Variants in PHLDB2 observed in about 807,000 individuals in gnomAD.
The protein encoded by PHLDB2 is pleckstrin homology-like domain family B member 2.
PHLDB2 carries 71 observed loss-of-function variants against 123.6 expected under a neutral mutation model. The ratio of observed to expected loss-of-function variants is 0.57; its 90% CI spans 0.47 to 0.70. The LOEUF (loss-of-function observed/expected upper bound fraction) is 0.70, where lower values mean the gene tolerates loss of function less well. PHLDB2 is among the 30% of genes least tolerant of loss of function. The pLI is 0.00. For synonymous variants in PHLDB2, 547 were observed against 541.6 expected, an observed-to-expected ratio of 1.01 and a Z score of -0.14; for missense variants, 1,446 against 1,519.5, an observed-to-expected ratio of 0.95 and a Z score of 0.80.
chr3:111,933,584 C>A (rs910167034), intron 6 of PHLDB2, among the ~76,000 whole-genome samples: 2 of 152,148 alleles, frequency 1.3e-5, no homozygotes, highest in Non-Finnish European at 2.9e-5. Flanking sequence ...AAAGTTTTAA[C>A]CATATGTCTT....
chr3:111,916,568 T>C (rs545134762), intron 3 of PHLDB2: 1 of 152,302 alleles, frequency 6.6e-6, no homozygotes, highest in East Asian at 1.9e-4. Context: ...ACAATCTTAA[T>C]GATATTTAGA....
intron 1 of PHLDB2, among the ~76,000 whole-genome samples, chr3:111,845,624 A>C (rs1162375301): frequency 6.6e-6 from 1 of 152,122 alleles, no homozygotes; most frequent in East Asian, 1.9e-4. Context: ...GTGGTGGCGA[A>C]GTTCTGTTGT....
At chr3:111,755,264 G>A (rs1022105655) in intron 1 of PHLDB2, among the ~76,000 whole-genome samples, 14 of 138,458 alleles carry the variant, frequency 1.0e-4, no homozygotes, top group Non-Finnish European at 1.7e-4. Flanking sequence ...GAATTCAGCT[G>A]TGAATCCATC....
chr3:111,812,140 A>G (rs1170871201), intron 1 of PHLDB2, among the ~76,000 whole-genome samples: 2 of 152,184 alleles, frequency 1.3e-5, no homozygotes, highest in Admixed American at 6.5e-5. Flanking sequence ...GGCCATTAAT[A>G]TATTTCAGGC....
intron 1 of PHLDB2, among the ~76,000 whole-genome samples, chr3:111,829,791 T>C (rs1200441885): frequency 6.6e-6 from 1 of 152,154 alleles, no homozygotes; most frequent in Non-Finnish European, 1.5e-5. Flanking sequence ...AATTCTATTT[T>C]GTATATTATT....
chr3:111,965,933 T>C (rs2071720080), intron 13 of PHLDB2, among the ~76,000 whole-genome samples: 1 of 152,198 alleles, frequency 6.6e-6, no homozygotes, highest in Non-Finnish European at 1.5e-5. Context: ...GTGATGTCTT[T>C]TCCATCATTT....
intron 1 of PHLDB2, among the ~76,000 whole-genome samples, chr3:111,763,715 C>T (rs2060032977): frequency 6.6e-6 from 1 of 152,036 alleles, no homozygotes; most frequent in Non-Finnish European, 1.5e-5. Flanking sequence ...GAGGACAAAG[C>T]CCTTGTGATT....
rs148049563 is a variant in PHLDB2 at position 111,757,143 on chromosome 3, C to T, written c.-49+24440C>T. Among the ~76,000 whole-genome samples, 644 of 152,198 alleles carry T rather than the reference C, an allele frequency of 4.2e-3. 1 individual carries two copies. Among genetic ancestry groups the T allele is most frequent in the African/African-American group, 0.015 (618 of 41,530 alleles). ...TTAAGTGTCTTGGAGTTGCTCTTCT[C>T]GAGGAGTATCTTTGTGGAGTTCTCT... On this transcript the variant is annotated intron_variant, in intron 1 of 17. Coordinates refer to the PHLDB2 transcript ENST00000393923.
intron 5 of PHLDB2, among the ~76,000 whole-genome samples, chr3:111,922,550 T>G (rs2068582292): frequency 6.6e-6 from 1 of 152,188 alleles, no homozygotes; most frequent in Non-Finnish European, 1.5e-5. Flanking sequence ...AAGGTAGGAT[T>G]ATTCTCTGTC....
intron 1 of PHLDB2, among the ~76,000 whole-genome samples, chr3:111,804,082 C>G (rs1042970552): frequency 6.6e-6 from 1 of 152,094 alleles, no homozygotes; most frequent in African/African-American, 2.4e-5. Flanking sequence ...TTTTTCTGAT[C>G]GTCCTCTCCT....
chr3:111,795,966 G>A (rs1445768808), intron 1 of PHLDB2, among the ~76,000 whole-genome samples: 3 of 152,104 alleles, frequency 2.0e-5, no homozygotes, highest in African/African-American at 7.2e-5. Flanking sequence ...GCGCGATCTC[G>A]GCTGACTGCA....
intron 2 of PHLDB2, among the ~76,000 whole-genome samples, chr3:111,896,352 TC>T (rs113582050): frequency 2.0e-3 from 179 of 87,472 alleles, no homozygotes; most frequent in African/African-American, 5.8e-3. Context: ...TCTTTTTTCT[TC>T]CCCCGCCCCG....
In PHLDB2 at chr3:111,752,384, G is replaced by C. The variant is rs536813806; in HGVS notation, c.-49+19681G>C. ...AATTTGTGAAGTCCCTTAATAACAA[G>C]TTGATTTATAAAGCTTAAATAGAAA... is the stretch of plus-strand genomic sequence containing the variant. On this transcript the variant is annotated intron_variant, in intron 1 of 17. Transcript: ENST00000393923. Among the ~76,000 whole-genome samples, 3 of 152,158 alleles carry C rather than the reference G, an allele frequency of 2.0e-5. No individual in the cohort carries two copies. The South Asian group carries it at 6.2e-4, about 32-fold the overall frequency.
chr3:111,887,215 C>G (rs1464324372), intron 2 of PHLDB2, among the ~76,000 whole-genome samples: 2 of 152,160 alleles, frequency 1.3e-5, no homozygotes, highest in Non-Finnish European at 2.9e-5. Flanking sequence ...TCTGTACTGC[C>G]TGTAAGGTTG....
At chr3:111,882,728 CA>C (rs958356404) in intron 1 of PHLDB2, among the ~76,000 whole-genome samples, 4 of 152,152 alleles carry the variant, frequency 2.6e-5, no homozygotes, top group Admixed American at 1.3e-4. Context: ...GATAAAGAAG[CA>C]GCTCTTTACT....
chr3:111,884,477 C>A lies in PHLDB2; in HGVS notation c.400C>A (p.Arg134=). 1 of 1,614,068 alleles carries A rather than the reference C, an allele frequency of 6.2e-7. No individual in the cohort carries two copies. Among genetic ancestry groups the A allele is most frequent in the Non-Finnish European group, 8.5e-7 (1 of 1,179,976 alleles). ...GRADFDHYTG[R]DSERALRLSE... ...AGCAGACTTTGATCATTATACTGGC[C>A]GGGACAGTGAAAGGGCCTTGAGGCT... The change falls in exon 2 of 18, where the codon CGG becomes AGG. Residue 134 remains arginine, a synonymous_variant. Transcript: ENST00000431670.
intron 1 of PHLDB2, among the ~76,000 whole-genome samples, chr3:111,832,248 A>C (rs1447834142): frequency 6.6e-6 from 1 of 152,112 alleles, no homozygotes; most frequent in Non-Finnish European, 1.5e-5. Context: ...TCTTTTTACA[A>C]GTTAATCTAT....
At chr3:111,821,706 G>A (rs1298981530) in intron 1 of PHLDB2, among the ~76,000 whole-genome samples, 2 of 152,204 alleles carry the variant, frequency 1.3e-5, no homozygotes, top group South Asian at 2.1e-4. Flanking sequence ...GTACCATGAT[G>A]TAGTCAAGGT....
At chr3:111,739,346 T>C (rs1174941040) in intron 1 of PHLDB2, among the ~76,000 whole-genome samples, 2 of 152,110 alleles carry the variant, frequency 1.3e-5, no homozygotes, top group African/African-American at 4.8e-5. Flanking sequence ...CACTCAGCTT[T>C]GCCACGCCTG....
Sources: allele counts gnomAD v4.1 joint callset (sites outside exome capture counted in the v4.1 genomes callset), GRCh38; gene constraint gnomAD v4.1.1; transcripts MANE v1.5; gene names NCBI Gene and HGNC (gene_info 2026-07-23, HGNC 2026-07-21).